JAKMIP2: variants seen among roughly 807,000 people sequenced by gnomAD.
JAKMIP2 encodes the protein janus kinase and microtubule interacting protein 2.
A neutral mutation model predicts 115.0 loss-of-function variants in JAKMIP2; 25 were observed. That is an observed-to-expected ratio of 0.22 (90% CI 0.16 to 0.30). The LOEUF is 0.30. Among genes scored for constraint, JAKMIP2 ranks in the 10% least tolerant of loss-of-function variants. JAKMIP2 has a pLI of 1.00. For missense variants in JAKMIP2, 642 were observed against 957.6 expected, an observed-to-expected ratio of 0.67 and a Z score of 4.35; for synonymous variants, 334 against 343.6, an observed-to-expected ratio of 0.97 and a Z score of 0.31.
intron 1 of JAKMIP2, among the ~76,000 whole-genome samples, chr5:147,777,762 T>TACG (rs1755614771): frequency 6.6e-6 from 1 of 152,162 alleles, no homozygotes; most frequent in Non-Finnish European, 1.5e-5. Context: ...AAATGTAGAA[T>TACG]ACAGTTCAGA....
intron 3 of JAKMIP2, among the ~76,000 whole-genome samples, chr5:147,655,044 G>C (rs1251889918): frequency 6.6e-6 from 1 of 152,150 alleles, no homozygotes; most frequent in Non-Finnish European, 1.5e-5. Context: ...TGCATCCCAG[G>C]GATGAAGCTG....
intron 1 of JAKMIP2, among the ~76,000 whole-genome samples, chr5:147,769,326 CG>C (rs1339401288): frequency 1.3e-5 from 2 of 152,074 alleles, no homozygotes; most frequent in East Asian, 3.9e-4. Context: ...ACGGAGAGGG[CG>C]GCAAAAGTGT....
intron 21 of JAKMIP2, among the ~76,000 whole-genome samples, chr5:147,592,414 G>A (rs1755143004): frequency 6.6e-6 from 1 of 152,190 alleles, no homozygotes; most frequent in Non-Finnish European, 1.5e-5. Flanking sequence ...GCCCAGAGAT[G>A]TCCCTGAAAA....
At chr5:147,690,110 G>A (rs1760758557) in intron 1 of JAKMIP2, among the ~76,000 whole-genome samples, 1 of 152,110 alleles carries the variant, frequency 6.6e-6, no homozygotes, top group South Asian at 2.1e-4. Flanking sequence ...AGCATTTTTG[G>A]AGGCTGAGGC....
chr5:147,605,422 G>A (rs565794612), intron 20 of JAKMIP2, among the ~76,000 whole-genome samples: 18 of 152,096 alleles, frequency 1.2e-4, no homozygotes, highest in Middle Eastern at 6.8e-3. Context: ...TGTTAACTAG[G>A]ATGGTCTCGA....
chr5:147,687,614 T>C (rs902433553), intron 1 of JAKMIP2, among the ~76,000 whole-genome samples: 2 of 152,196 alleles, frequency 1.3e-5, no homozygotes, highest in South Asian at 4.1e-4. Context: ...GAGTTGCAGG[T>C]AACATGCAGA....
At chr5:147,722,715 T>A (rs1388785486) in intron 1 of JAKMIP2, among the ~76,000 whole-genome samples, 2 of 152,214 alleles carry the variant, frequency 1.3e-5, no homozygotes, top group Non-Finnish European at 2.9e-5. Flanking sequence ...CATCTGATAC[T>A]GAAGATGACA....
intron 3 of JAKMIP2, among the ~76,000 whole-genome samples, chr5:147,660,196 T>A (rs1350285108): frequency 6.6e-6 from 1 of 152,202 alleles, no homozygotes; most frequent in African/African-American, 2.4e-5. Flanking sequence ...AATTTTCAGA[T>A]GATAATTATA....
At position 147,640,580 on chromosome 5, in the gene JAKMIP2, C is replaced by T. The variant is rs1423717075; in HGVS notation, c.1401+124G>A. 20 of 963,312 alleles carry T rather than the reference C, an allele frequency of 2.1e-5. No homozygotes were observed. In the East Asian group the frequency reaches 5.1e-4, roughly 25 times the overall value. The allele number at this position is 963,312 out of a possible 1,614,324, so 59.7% of individuals were successfully genotyped here. ...TAAAGTGCAGCCTCAAAATTGTTTA[C>T]TATTATGAGATCACTTTGTGCTGTT... On this transcript the variant is annotated intron_variant, in intron 9 of 21. Transcript: ENST00000616793.
rs768747690 is a variant in JAKMIP2, at chr5:147,591,733, A to G, written c.*21-47T>C. ...TTATTTATATATCAATTTTGTTAAT[A>G]GCTGAATCATAAAAAACAAACTTTA... is the stretch of plus-strand genomic sequence containing the variant. On this transcript the variant is annotated intron_variant, in intron 21 of 21. Transcript: ENST00000616793. 12 of 1,183,702 alleles carry G rather than the reference A, an allele frequency of 1.0e-5. No individual in the cohort carries two copies. In the Admixed American group the frequency reaches 2.5e-4, roughly 25 times the overall value. 73.3% of individuals were successfully genotyped at this position (1,183,702 alleles called of 1,614,324 possible).
chr5:147,735,980 T>G (rs1242254774), intron 1 of JAKMIP2, among the ~76,000 whole-genome samples: 5 of 152,186 alleles, frequency 3.3e-5, no homozygotes, highest in Admixed American at 3.3e-4. Flanking sequence ...GTTACCACTC[T>G]GAGCAAGTCA....
intron 1 of JAKMIP2, among the ~76,000 whole-genome samples, chr5:147,764,977 AGAGAGAGAGAGAGG>A (rs1191122200): frequency 2.6e-4 from 29 of 112,178 alleles, no homozygotes; most frequent in Non-Finnish European, 3.9e-4. Context: ...GGGGAGAGAG[AGAGAGAGAGAGAGG>A]GAGAGAGAGA....
intron 2 of JAKMIP2, among the ~76,000 whole-genome samples, chr5:147,665,323 G>A (rs982755611): frequency 3.9e-5 from 6 of 152,176 alleles, no homozygotes; most frequent in African/African-American, 1.4e-4. Flanking sequence ...GAAAGAGTTT[G>A]CTGATTCTTA....
intron 1 of JAKMIP2, among the ~76,000 whole-genome samples, chr5:147,709,723 A>G (rs1053785835): frequency 8.6e-5 from 13 of 152,020 alleles, no homozygotes; most frequent in African/African-American, 3.1e-4. Flanking sequence ...GGTGGCATGC[A>G]TCTGTAATCC....
At chr5:147,624,199 C>T (rs1285111584) in intron 16 of JAKMIP2, among the ~76,000 whole-genome samples, 2 of 152,172 alleles carry the variant, frequency 1.3e-5, no homozygotes, top group Non-Finnish European at 2.9e-5. Flanking sequence ...TTCACCCATT[C>T]AGCAAATGCA....
chr5:147,725,185 G>A (rs1393163399), intron 1 of JAKMIP2, among the ~76,000 whole-genome samples: 1 of 152,054 alleles, frequency 6.6e-6, no homozygotes, highest in Non-Finnish European at 1.5e-5. Flanking sequence ...GAAACATCAA[G>A]AAGTCACCCT....
chr5:147,656,622 G>T (rs1178088696), intron 3 of JAKMIP2, among the ~76,000 whole-genome samples: 2 of 152,134 alleles, frequency 1.3e-5, no homozygotes, highest in African/African-American at 4.8e-5. Context: ...ACGCTGATGG[G>T]TCTTCACTTT....
intron 2 of JAKMIP2, among the ~76,000 whole-genome samples, chr5:147,662,961 G>A (rs552074784): frequency 2.5e-4 from 38 of 151,750 alleles, no homozygotes; most frequent in Non-Finnish European, 4.4e-4. Context: ...ACTCCAGCCT[G>A]GGAGACAGAG....
chr5:147,773,569 T>G (rs139893412), intron 1 of JAKMIP2, among the ~76,000 whole-genome samples: 2 of 152,256 alleles, frequency 1.3e-5, no homozygotes, highest in East Asian at 3.9e-4. Flanking sequence ...CATGTAGGCT[T>G]GATTTCAATA....
Sources: gnomAD v4.1 joint callset for allele counts (sites outside exome capture counted in the v4.1 genomes callset) on GRCh38, gnomAD v4.1.1 for gene constraint, MANE v1.5 for transcripts, NCBI Gene and HGNC (gene_info 2026-07-23, HGNC 2026-07-21) for gene names.